WAPL: variants seen among roughly 807,000 people sequenced by gnomAD.
WAPL encodes the protein wings apart-like protein homolog.
Under a neutral mutation model 121.0 loss-of-function variants are expected in WAPL, and 5 were observed. That is an observed-to-expected ratio of 0.04 (90% CI 0.02 to 0.09). The LOEUF (loss-of-function observed/expected upper bound fraction) is 0.09, where lower values mean the gene tolerates loss of function less well. Among genes scored for constraint, WAPL ranks in the 10% least tolerant of loss-of-function variants. The pLI is 1.00. For missense variants in WAPL, 999 were observed against 1,410.8 expected, an observed-to-expected ratio of 0.71 and a Z score of 4.68; for synonymous variants, 480 against 481.5, an observed-to-expected ratio of 1.00 and a Z score of 0.04.
Position 86,497,337 on chromosome 10 carries a change from A to T in WAPL, c.1526-18T>A. ...CAAGTTTTCTGAAATGGTAATCAAA[A>T]CTATCTAGCTTACTAATATTTCAAA... On this transcript the variant is annotated intron_variant, in intron 3 of 18. Coordinates refer to ENST00000298767, the MANE Select transcript of WAPL (RefSeq NM_015045.5). 6.4e-7 allele frequency: 1 copy of T among 1,557,186 alleles called. No individual in the cohort carries two copies. The highest frequency in any genetic ancestry group is 8.8e-7 in the Non-Finnish European group (1 of 1,134,586).
At chr10:86,503,236 G>A (rs985912941) in intron 2 of WAPL, among the ~76,000 whole-genome samples, 1 of 152,204 alleles carries the variant, frequency 6.6e-6, no homozygotes, top group African/African-American at 2.4e-5. Context: ...TTGGGAGGCT[G>A]AGGTGGAAAT....
chr10:86,448,892 G>A (rs1195936380), intron 15 of WAPL, among the ~76,000 whole-genome samples: 1 of 152,194 alleles, frequency 6.6e-6, no homozygotes, highest in African/African-American at 2.4e-5. Context: ...TGGGATTACA[G>A]ATTACAGGCA....
At chr10:86,477,258 A>G (rs1383726524) in intron 4 of WAPL, among the ~76,000 whole-genome samples, 3 of 152,228 alleles carry the variant, frequency 2.0e-5, no homozygotes, top group Non-Finnish European at 2.9e-5. Flanking sequence ...CCAAAACAGT[A>G]CAGTAATTCC....
intron 4 of WAPL, among the ~76,000 whole-genome samples, chr10:86,478,216 G>A (rs1459859323): frequency 6.6e-6 from 1 of 151,908 alleles, no homozygotes; most frequent in Non-Finnish European, 1.5e-5. Flanking sequence ...GATGTCTTGC[G>A]CCCAGGAGTT....
rs1328238625 is a variant in WAPL at position 86,452,085 on chromosome 10, C to T, written c.2996G>A (p.Arg999Gln). 7.4e-6 allele frequency: 12 copies of T among 1,613,960 alleles called. No homozygotes were observed. The highest frequency in any genetic ancestry group is 1.6e-4 in the Middle Eastern group (1 of 6,062). Reference protein sequence around the residue: ...INLVEYSARNRHCLVNMETSC... With the variant: ...INLVEYSARNQHCLVNMETSC... ...TGTTTCCATGTTGACAAGACAGTGC[C>T]GATTCCGAGCACTATACTCCACTAG... Residue 999 changes from arginine (R) to glutamine (Q), a missense_variant, in exon 15 of 19, where the codon CGG becomes CAG. Arg to Gln is a conservative substitution (Grantham distance 43, BLOSUM62 1). Transcript: ENST00000298767.
chr10:86,445,438 C>T (rs1849584369), intron 16 of WAPL, among the ~76,000 whole-genome samples: 1 of 151,874 alleles, frequency 6.6e-6, no homozygotes, highest in Admixed American at 6.6e-5. Flanking sequence ...TTTTGCAGAA[C>T]TTGTATAAAT....
At chr10:86,517,497 T>C in intron 2 of WAPL, 74 bp downstream of exon 2, 1 of 1,479,704 alleles carries the variant, frequency 6.8e-7, no homozygotes, top group Non-Finnish European at 8.9e-7. Flanking sequence ...ATATATATTT[T>C]AGAATTTAAA....
At chr10:86,445,885 G>C (rs74150317) in intron 16 of WAPL, among the ~76,000 whole-genome samples, 2,237 of 152,170 alleles carry the variant, frequency 0.015, 55 homozygotes, top group African/African-American at 0.05. Flanking sequence ...TCTGACAATA[G>C]ATCTTCAAGT....
At chr10:86,487,318 T>C (rs1841947204) in intron 4 of WAPL, among the ~76,000 whole-genome samples, 1 of 152,128 alleles carries the variant, frequency 6.6e-6, no homozygotes. Context: ...TGACATTTCA[T>C]GAACGAAAGT....
In WAPL at chr10:86,521,465, C is replaced by A. The variant is rs1257566524; in HGVS notation, c.-123G>T. On this transcript the variant is annotated 5_prime_UTR_variant, in exon 1 of 19. Transcript: ENST00000298767. ...GGAACCCTCGCGCGGGAGAGCAGGG[C>A]CGGCAGGTGAGAGCCGAGAGAGGCG... is the stretch of plus-strand genomic sequence containing the variant. 1 of 321,840 alleles carries A rather than the reference C, an allele frequency of 3.1e-6. No homozygotes were observed. The highest frequency in any genetic ancestry group is 5.3e-5 in the Admixed American group (1 of 18,912). 19.9% of individuals were successfully genotyped at this position (321,840 alleles called of 1,614,324 possible).
rs1842495235 is a variant in WAPL at position 86,513,069 on chromosome 10, T to C, written c.499+4502A>G. Among the ~76,000 whole-genome samples the C allele has an allele frequency of 2.0e-5, 3 of 152,138 alleles. 1 individual carries two copies. In the South Asian group the frequency reaches 6.2e-4, roughly 32 times the overall value. On this transcript the variant is annotated intron_variant, in intron 2 of 18. Coordinates refer to ENST00000298767, the MANE Select transcript of WAPL (RefSeq NM_015045.5). The stretch of plus-strand genomic sequence containing the variant: ...GTTTTTTTGTTTTTGTTTTTTGAGA[T>C]GGAGTCTCGCTCTGTTGCCCAAGTT...
intron 4 of WAPL, among the ~76,000 whole-genome samples, chr10:86,483,213 G>A (rs964429858): frequency 2.0e-5 from 3 of 152,118 alleles, no homozygotes; most frequent in African/African-American, 7.2e-5. Context: ...CCGAGGTCGG[G>A]AGTTTGAGAC....
At chr10:86,445,659 G>A (rs1455427315) in intron 16 of WAPL, among the ~76,000 whole-genome samples, 3 of 151,926 alleles carry the variant, frequency 2.0e-5, no homozygotes, top group African/African-American at 7.3e-5. Context: ...CAACCACCTA[G>A]GACTACAGGC....
intron 3 of WAPL, 79 bp downstream of exon 3, chr10:86,499,639 G>T: frequency 7.0e-7 from 1 of 1,429,848 alleles, no homozygotes; most frequent in Non-Finnish European, 9.4e-7. Context: ...TTGACCTTGG[G>T]TAATTGAAAC....
chr10:86,518,181 C>G, intron 1 of WAPL, 90 bp from the exon 2 acceptor site: 4 of 1,306,980 alleles, frequency 3.1e-6, no homozygotes, highest in Non-Finnish European at 4.1e-6. Context: ...ATTCTTCCCT[C>G]ATGACTTTTG....
chr10:86,450,219 A>C lies in WAPL; in HGVS notation c.3114+1748T>G, dbSNP rs112144466. ...AAAAAGTTTAAAAACAAGTCTACTG[A>C]ACAGAAAAAAAGAATACTTTTTTTA... On this transcript the variant is annotated intron_variant, in intron 15 of 18. Transcript: ENST00000298767. Among the ~76,000 whole-genome samples the C allele has an allele frequency of 1.6e-3, 242 of 152,318 alleles. 1 individual carries two copies. Among genetic ancestry groups the C allele is most frequent in the African/African-American group, 5.6e-3 (231 of 41,570 alleles).
intron 14 of WAPL, among the ~76,000 whole-genome samples, 160 bp from the exon 15 acceptor site, chr10:86,452,291 GAA>G (rs11345126): frequency 3.0e-4 from 44 of 147,792 alleles, no homozygotes; most frequent in Middle Eastern, 3.5e-3. Context: ...AAGAAAAAAA[GAA>G]AAAAAAAAAA....
At chr10:86,503,465 AAAC>A (rs1176580082) in intron 2 of WAPL, among the ~76,000 whole-genome samples, 1 of 151,374 alleles carries the variant, frequency 6.6e-6, no homozygotes, top group African/African-American at 2.4e-5. Context: ...ATAAGAAAAC[AAAC>A]TTCGCCGGGT....
Position 86,472,031 on chromosome 10 carries a change from T to A in WAPL, c.2030+177A>T, listed in dbSNP as rs750181187. 6.6e-6 allele frequency among the ~76,000 whole-genome samples: 1 copy of A among 152,158 alleles called. No individual in the cohort carries two copies. The highest frequency in any genetic ancestry group is 1.5e-5 in the Non-Finnish European group (1 of 68,024). ...GGCTCTCATCACCCAGCTTTCCCTC[T>A]TATCATGCAGAATCAAATTCTTTAT... On this transcript the variant is annotated intron_variant, in intron 7 of 18. Transcript: ENST00000298767. The surrounding 1 kb of genome is among the most constrained non-coding windows in gnomAD (Gnocchi z 4.2).
Sources: allele counts gnomAD v4.1 joint callset (sites outside exome capture counted in the v4.1 genomes callset), GRCh38; gene constraint gnomAD v4.1.1; non-coding constraint Gnocchi (gnomAD v3.1); transcripts MANE v1.5; gene names NCBI Gene and HGNC (gene_info 2026-07-23, HGNC 2026-07-21).